PIK3CD: variants seen among roughly 807,000 people sequenced by gnomAD.
PIK3CD encodes phosphatidylinositol-4,5-bisphosphate 3-kinase catalytic subunit delta.
In PIK3CD, 20 loss-of-function variants were observed where a neutral mutation model predicts 122.9. The ratio of observed to expected loss-of-function variants is 0.16; its 90% CI spans 0.11 to 0.24. The LOEUF (loss-of-function observed/expected upper bound fraction) is 0.24. PIK3CD is among the 10% of genes least tolerant of loss of function. The pLI, the probability that PIK3CD is intolerant of heterozygous loss-of-function variation, is 1.00. For missense variants in PIK3CD, 787 were observed against 1,406.3 expected (o/e 0.56, Z 7.04); for synonymous variants, 596 against 593.4 (o/e 1.00, Z -0.06).
upstream of PIK3CD, among the ~76,000 whole-genome samples, chr1:9,650,436 G>A (rs1644650381): frequency 6.6e-6 from 1 of 151,426 alleles, no homozygotes; most frequent in East Asian, 1.9e-4. Context: ...ACAAAACAAA[G>A]AAACAAAACA....
rs1231785308 is a variant in PIK3CD at position 9,719,749 on chromosome 1, G to GA, written c.1243-169dup. On this transcript the variant is annotated intron_variant, in intron 9 of 23. Coordinates refer to ENST00000377346, the MANE Select transcript of PIK3CD (RefSeq NM_005026.5). The surrounding 1 kb of genome is among the most constrained non-coding windows in gnomAD (Gnocchi z 5.5). ...GGCTTCACCACTGGAGCCCTCAGAG[G>GA]AAAGAGGAAAAAGCGGCTCCTCTCC... Among the ~76,000 whole-genome samples, 1 of 151,886 alleles carries GA rather than the reference G, an allele frequency of 6.6e-6. No homozygotes were observed. The highest frequency in any genetic ancestry group is 6.6e-5 in the Admixed American group (1 of 15,246).
chr1:9,694,663 C>T (rs1328596075), intron 2 of PIK3CD, among the ~76,000 whole-genome samples: 3 of 151,924 alleles, frequency 2.0e-5, no homozygotes, highest in Non-Finnish European at 4.4e-5. Context: ...GGCCATCCCA[C>T]ATGGAATGAG....
chr1:9,708,627 C>T (rs986391157), intron 2 of PIK3CD, among the ~76,000 whole-genome samples: 22 of 152,058 alleles, frequency 1.4e-4, no homozygotes, highest in Admixed American at 6.5e-5. Flanking sequence ...GCAGGTGGAT[C>T]ACTTGAGGTC....
chr1:9,721,285 G>A (rs1648606604), intron 14 of PIK3CD, 37 bp downstream of exon 14: 2 of 1,612,736 alleles, frequency 1.2e-6, no homozygotes, highest in Non-Finnish European at 1.7e-6. Flanking sequence ...TTCTCCAGAG[G>A]GCAGCTGTGT....
the PIK3CD span, among the ~76,000 whole-genome samples, chr1:9,639,957 G>A: frequency 3.3e-5 from 5 of 151,812 alleles, no homozygotes; most frequent in Admixed American, 3.3e-4. Context: ...TCCTAGGCTA[G>A]TCTTGAACTC....
intron 1 of PIK3CD, chr1:9,653,949 TC>T (rs1253911751): frequency 1.2e-5 from 17 of 1,361,000 alleles, no homozygotes; most frequent in Non-Finnish European, 1.6e-5. Flanking sequence ...CTCATACCTG[TC>T]ATCCCAGTGC....
chr1:9,687,611 A>T (rs1646018185), intron 1 of PIK3CD: 1 of 151,956 alleles, frequency 6.6e-6, no homozygotes, highest in South Asian at 2.1e-4. Context: ...GGCGGTCTCC[A>T]GCCCCCGGCC....
intron 2 of PIK3CD, among the ~76,000 whole-genome samples, chr1:9,694,425 T>C (rs984600646): frequency 6.6e-6 from 1 of 152,162 alleles, no homozygotes; most frequent in Non-Finnish European, 1.5e-5. Context: ...TCCCAGCTAC[T>C]TAGGAGGCTG....
At chr1:9,642,400 G>A in the PIK3CD span, among the ~76,000 whole-genome samples, 5 of 151,134 alleles carry the variant, frequency 3.3e-5, no homozygotes, top group East Asian at 2.0e-4. Context: ...GGCGTGAGCC[G>A]CTGTGCCCAG....
chr1:9,664,708 C>T (rs546477430), intron 1 of PIK3CD, among the ~76,000 whole-genome samples: 1 of 152,328 alleles, frequency 6.6e-6, no homozygotes, highest in Non-Finnish European at 1.5e-5. Context: ...AATCCAGCTG[C>T]TCATCATAGT....
chr1:9,707,161 T>C (rs960231865), intron 2 of PIK3CD, among the ~76,000 whole-genome samples: 6 of 151,982 alleles, frequency 3.9e-5, no homozygotes, highest in African/African-American at 1.5e-4. Flanking sequence ...ACGTTACCTA[T>C]GTGGTTCCCG....
the PIK3CD span, among the ~76,000 whole-genome samples, chr1:9,637,253 G>C: frequency 6.6e-6 from 1 of 152,096 alleles, no homozygotes; most frequent in African/African-American, 2.4e-5. Flanking sequence ...GAAGAGGCCA[G>C]GTATGATGGT....
At chr1:9,678,530 A>G (rs1441629882) in intron 1 of PIK3CD, among the ~76,000 whole-genome samples, 1 of 152,208 alleles carries the variant, frequency 6.6e-6, no homozygotes, top group East Asian at 1.9e-4. Flanking sequence ...AACCTGTCTC[A>G]GATTTTAAAT....
At chr1:9,627,531 C>T in the PIK3CD span, among the ~76,000 whole-genome samples, 1 of 152,242 alleles carries the variant, frequency 6.6e-6, no homozygotes, top group South Asian at 2.1e-4. Flanking sequence ...GCTGATCTCA[C>T]AGGGCGGCTG....
chr1:9,693,105 G>A (rs1412293982), intron 2 of PIK3CD, among the ~76,000 whole-genome samples: 3 of 152,070 alleles, frequency 2.0e-5, no homozygotes, highest in South Asian at 4.1e-4. Context: ...AAGCATACTC[G>A]TCTATCATCT....
chr1:9,638,000 G>A, the PIK3CD span, among the ~76,000 whole-genome samples: 4 of 151,996 alleles, frequency 2.6e-5, no homozygotes, highest in Admixed American at 1.3e-4. Context: ...CCAGCTACTC[G>A]GGAGGCAGAG....
At chr1:9,695,569 C>T (rs976801401) in intron 2 of PIK3CD, among the ~76,000 whole-genome samples, 18 of 152,136 alleles carry the variant, frequency 1.2e-4, no homozygotes, top group African/African-American at 4.1e-4. Flanking sequence ...ACAGGCCAGG[C>T]GCAATGGCTC....
chr1:9,668,737 G>GTAGA (rs1645236799), intron 1 of PIK3CD, among the ~76,000 whole-genome samples: 1 of 152,092 alleles, frequency 6.6e-6, no homozygotes, highest in Non-Finnish European at 1.5e-5. Context: ...TGCCTTAGAG[G>GTAGA]TAGATGGTCC....
At chr1:9,663,108 A>C (rs2100855195) in intron 1 of PIK3CD, among the ~76,000 whole-genome samples, 1 of 152,298 alleles carries the variant, frequency 6.6e-6, no homozygotes, top group African/African-American at 2.4e-5. Context: ...CAGCCATCCA[A>C]ACCCACACGG....
Sources: gnomAD v4.1 joint callset for allele counts (sites outside exome capture counted in the v4.1 genomes callset) on GRCh38, gnomAD v4.1.1 for gene constraint, Gnocchi (gnomAD v3.1) non-coding constraint, MANE v1.5 for transcripts, NCBI Gene and HGNC (gene_info 2026-07-23, HGNC 2026-07-21) for gene names.